C9orf43: variants seen among roughly 807,000 people sequenced by gnomAD.
C9orf43 encodes the protein uncharacterized protein C9orf43.
In C9orf43, 45 loss-of-function variants were observed where a neutral mutation model predicts 59.1. That is an observed-to-expected ratio of 0.76 (90% CI 0.60 to 0.98). The LOEUF is 0.98. C9orf43 is among the 50% of genes least tolerant of loss of function. The probability of loss-of-function intolerance (pLI) is 0.00; values close to 1 mark genes in which losing one functional copy is unlikely to be tolerated. For missense variants in C9orf43, 533 were observed against 554.9 expected (o/e 0.96, Z 0.40); for synonymous variants, 203 against 196.8 (o/e 1.03, Z -0.26).
At chr9:113,421,707 C>T (rs1828581638) in intron 5 of C9orf43, among the ~76,000 whole-genome samples, 1 of 152,124 alleles carries the variant, frequency 6.6e-6, no homozygotes, top group African/African-American at 2.4e-5. Flanking sequence ...GTTCTTCTTT[C>T]CTGATCCTTG....
intron 4 of C9orf43, chr9:113,420,602 T>C (rs1373275001): frequency 4.5e-5 from 9 of 198,928 alleles, no homozygotes; most frequent in Non-Finnish European, 7.2e-5. Context: ...CCTTGAGCAC[T>C]ATGTTCTAGG....
chr9:113,420,427 C>A (rs1828519871), intron 4 of C9orf43, among the ~76,000 whole-genome samples: 1 of 152,148 alleles, frequency 6.6e-6, no homozygotes, highest in Non-Finnish European at 1.5e-5. Context: ...AATGTATGAA[C>A]ATGATTTTTA....
At position 113,424,356 on chromosome 9, in the gene C9orf43, A is replaced by G. The variant is rs1472838748; in HGVS notation, c.807+40A>G. The G allele has an allele frequency of 6.4e-6, 10 of 1,559,678 alleles. No homozygotes were observed. In the South Asian group the frequency reaches 9.8e-5, roughly 15 times the overall value. ...ACAGCAGGGAAGAAGCCTATGTGAA[A>G]ATTCAAACCCATCTCTCCTCAAATC... is the stretch of plus-strand genomic sequence containing the variant. On this transcript the variant is annotated intron_variant, in intron 8 of 13. Coordinates refer to ENST00000374165, the MANE Select transcript of C9orf43 (RefSeq NM_001278629.2).
chr9:113,422,543 C>T lies in C9orf43; in HGVS notation c.447-6C>T, dbSNP rs772986401. On this transcript the variant is annotated splice_region_variant and splice_polypyrimidine_tract_variant and intron_variant, in intron 5 of 13. Transcript: ENST00000374165. ...TTTTGTTTTGTTTTGTTTTGTTTTT[C>T]TCCAGCCAGCATGGGAAGAAGAAAA... 6.2e-7 allele frequency: 1 copy of T among 1,613,542 alleles called. No individual in the cohort carries two copies. The highest frequency in any genetic ancestry group is 8.5e-7 in the Non-Finnish European group (1 of 1,179,850).
At chr9:113,412,330 C>CT (rs1828200182) in intron 1 of C9orf43, among the ~76,000 whole-genome samples, 1 of 152,186 alleles carries the variant, frequency 6.6e-6, no homozygotes, top group Non-Finnish European at 1.5e-5. Context: ...ATTCAAAGTG[C>CT]TAGCCAAACA....
At chr9:113,414,320 A>T (rs1828279693) in intron 3 of C9orf43, among the ~76,000 whole-genome samples, 1 of 151,924 alleles carries the variant, frequency 6.6e-6, no homozygotes, top group Admixed American at 6.6e-5. Context: ...CCCAGGCTGG[A>T]CTAGAGTGCA....
At chr9:113,415,175 A>T (rs1828312406) in intron 3 of C9orf43, among the ~76,000 whole-genome samples, 1 of 150,410 alleles carries the variant, frequency 6.6e-6, no homozygotes, top group Non-Finnish European at 1.5e-5. Context: ...ATAGGGTCTT[A>T]CTTTGTTGCC....
At position 113,423,380 on chromosome 9, in the gene C9orf43, G is replaced by A; in HGVS notation, c.538G>A (p.Gly180Arg). ...AAATCAGTCCGCAGGAACACGAGTA[G>A]GAACACCAGGGATGATCGTGCCTCC... The part of the protein sequence containing the change: ...SGNQSAGTRV[G>R]TPGMIVPPPT... Residue 180 changes from glycine (G) to arginine (R), a missense_variant, in exon 7 of 14, where the codon GGA (glycine) becomes AGA (arginine). Gly to Arg is a moderately radical substitution (Grantham distance 125). Transcript: ENST00000374165. The A allele has an allele frequency of 6.2e-7, 1 of 1,614,108 alleles. No individual in the cohort carries two copies. The highest frequency in any genetic ancestry group is 8.5e-7 in the Non-Finnish European group (1 of 1,179,972).
In C9orf43 at chr9:113,429,222, G is replaced by GT; in HGVS notation, c.1223dup (p.Asp409GlyfsTer17). On this transcript the variant is annotated frameshift_variant, in exon 14 of 14. Coordinates refer to ENST00000374165, the MANE Select transcript of C9orf43 (RefSeq NM_001278629.2). LOFTEE classifies it low-confidence loss of function (END_TRUNC). ...CACTAACAAGGACATTAGTGCTCCA[G>GT]TGGACGCTGTGCCAGAAGCCCAGGC... 1 of 1,614,180 alleles carries GT rather than the reference G, an allele frequency of 6.2e-7. No individual in the cohort carries two copies. Among genetic ancestry groups the GT allele is most frequent in the Non-Finnish European group, 8.5e-7 (1 of 1,180,046 alleles).
intron 3 of C9orf43, among the ~76,000 whole-genome samples, chr9:113,416,883 C>A (rs1444089971): frequency 6.6e-6 from 1 of 152,142 alleles, no homozygotes; most frequent in Non-Finnish European, 1.5e-5. Flanking sequence ...GGCAAAATTG[C>A]CCCCTTGTTG....
chr9:113,413,735 T>C (rs954038039), intron 2 of C9orf43, 24 bp from the exon 3 acceptor site: 13 of 1,612,984 alleles, frequency 8.1e-6, no homozygotes, highest in Non-Finnish European at 1.1e-5. Context: ...GGTTAACATG[T>C]TTTCTTCTGG....
rs1175733114 is a variant in C9orf43, at chr9:113,412,345, A to G, written c.-49-1100A>G. 3.3e-5 allele frequency among the ~76,000 whole-genome samples: 5 copies of G among 152,244 alleles called. No homozygotes were observed. The East Asian group carries it at 9.6e-4, about 29-fold the overall frequency. The stretch of plus-strand genomic sequence containing the variant: ...ATTCAAAGTGCTAGCCAAACAAAAC[A>G]AGTAATAGGCCAGGTGCAATCCCAG... On this transcript the variant is annotated intron_variant, in intron 1 of 13. Coordinates refer to ENST00000374165, the MANE Select transcript of C9orf43 (RefSeq NM_001278629.2).
At chr9:113,422,615 A>G (rs571017774) in intron 6 of C9orf43, 30 bp downstream of exon 6, 27 of 1,612,924 alleles carry the variant, frequency 1.7e-5, no homozygotes, top group East Asian at 4.5e-5. Flanking sequence ...GCAAACCTTT[A>G]TAATATTGCT....
At chr9:113,424,979 C>T (rs1371728670) in intron 8 of C9orf43, 40 bp from the exon 9 acceptor site, 5 of 1,560,246 alleles carry the variant, frequency 3.2e-6, no homozygotes, top group Non-Finnish European at 4.4e-6. Flanking sequence ...AAGGGAAAGA[C>T]CTGCAGTAGA....
rs142103106 is a variant in C9orf43 at position 113,427,544 on chromosome 9, G to C, written c.1031-603G>C. ...ATTAAGTCAGAATTTCTGATGGTAG[G>C]AACTAGGCCTCAGTGTTTTTTGTTT... On this transcript the variant is annotated intron_variant, in intron 11 of 13. Coordinates refer to ENST00000374165, the MANE Select transcript of C9orf43 (RefSeq NM_001278629.2). Among the ~76,000 whole-genome samples, 415 of 152,316 alleles carry C rather than the reference G, an allele frequency of 2.7e-3. 2 individuals are homozygous for C. Among genetic ancestry groups the C allele is most frequent in the African/African-American group, 9.5e-3 (394 of 41,566 alleles).
chr9:113,427,652 A>G lies in C9orf43; in HGVS notation c.1031-495A>G, dbSNP rs540302865. On this transcript the variant is annotated intron_variant, in intron 11 of 13. Transcript: ENST00000374165. Reference sequence around the variant, plus strand: ...CTGGTAGGGAGTCCATGGAAATGCTATAATTTAGCATAATACCTCTGGTGG... The same window carrying G: ...CTGGTAGGGAGTCCATGGAAATGCTGTAATTTAGCATAATACCTCTGGTGG... Among the ~76,000 whole-genome samples, 12 of 152,338 alleles carry G rather than the reference A, an allele frequency of 7.9e-5. No homozygotes were observed. In the East Asian group the frequency reaches 1.9e-3, roughly 24 times the overall value.
Position 113,424,228 on chromosome 9 carries a change from T to TG in C9orf43, c.720dup (p.Lys241GlufsTer12), listed in dbSNP as rs1178981336. 2 of 1,613,884 alleles carry TG rather than the reference T, an allele frequency of 1.2e-6. No individual in the cohort carries two copies. The highest frequency in any genetic ancestry group is 8.5e-7 in the Non-Finnish European group (1 of 1,179,966). ...GAGATGAAGATAAAATTGGCCATGATGAAAAAGAATCTTCCCTTGGAAAAG... is the reference window on the plus strand; with the variant it reads ...GAGATGAAGATAAAATTGGCCATGATGGAAAAAGAATCTTCCCTTGGAAAAG... On this transcript the variant is annotated frameshift_variant, in exon 8 of 14. Coordinates refer to ENST00000374165, the MANE Select transcript of C9orf43 (RefSeq NM_001278629.2). LOFTEE classifies it high-confidence loss of function.
intron 8 of C9orf43, 82 bp downstream of exon 8, chr9:113,424,398 C>T (rs1353193271): frequency 7.0e-7 from 1 of 1,426,798 alleles, no homozygotes; most frequent in African/African-American, 1.4e-5. Context: ...AGTTGACATT[C>T]TATTCCTTAT....
At chr9:113,418,337 C>T (rs987713846) in intron 3 of C9orf43, among the ~76,000 whole-genome samples, 3 of 152,160 alleles carry the variant, frequency 2.0e-5, no homozygotes, top group Non-Finnish European at 2.9e-5. Context: ...CCTTTTGTGT[C>T]TGGCTTATTT....
Sources: allele counts gnomAD v4.1 joint callset (sites outside exome capture counted in the v4.1 genomes callset), GRCh38; gene constraint gnomAD v4.1.1; transcripts MANE v1.5; gene names NCBI Gene and HGNC (gene_info 2026-07-23, HGNC 2026-07-21).